Variants in RBM47 observed in about 807,000 individuals in gnomAD.
RBM47 encodes the protein RNA-binding protein 47.
Under a neutral mutation model 47.1 loss-of-function variants are expected in RBM47, and 21 were observed. The observed-to-expected ratio is 0.45, with a 90% CI of 0.32 to 0.64. The LOEUF (loss-of-function observed/expected upper bound fraction) is 0.64, where lower values mean the gene tolerates loss of function less well. Among genes scored for constraint, RBM47 ranks in the 30% least tolerant of loss-of-function variants. RBM47 has a pLI of 0.05. For missense variants in RBM47, 708 were observed against 870.9 expected, an observed-to-expected ratio of 0.81 and a Z score of 2.35; for synonymous variants, 375 against 361.7, an observed-to-expected ratio of 1.04 and a Z score of -0.42.
At chr4:40,590,888 C>T (rs1251523669) in intron 1 of RBM47, among the ~76,000 whole-genome samples, 4 of 152,150 alleles carry the variant, frequency 2.6e-5, no homozygotes, top group African/African-American at 7.2e-5. Flanking sequence ...CTGCAATCTC[C>T]GCCTCCCAGG....
At chr4:40,545,621 G>A (rs1156307574) in intron 1 of RBM47, among the ~76,000 whole-genome samples, 1 of 145,232 alleles carries the variant, frequency 6.9e-6, no homozygotes, top group South Asian at 2.1e-4. Flanking sequence ...CCAAGATCAC[G>A]CGATTGCTCT....
At chr4:40,435,358 G>A (rs1370308514) in intron 5 of RBM47, among the ~76,000 whole-genome samples, 1 of 152,080 alleles carries the variant, frequency 6.6e-6, no homozygotes, top group Admixed American at 6.6e-5. Context: ...AGAACAGCCT[G>A]GGCAATGTGG....
intron 2 of RBM47, among the ~76,000 whole-genome samples, chr4:40,532,066 A>G (rs1478634240): frequency 6.9e-6 from 1 of 144,608 alleles, no homozygotes; most frequent in Non-Finnish European, 1.5e-5. Context: ...GCTGGAGTGC[A>G]GTGGCGCAGT....
intron 1 of RBM47, among the ~76,000 whole-genome samples, chr4:40,573,833 AAG>A (rs758386859): frequency 7.3e-5 from 10 of 136,616 alleles, no homozygotes; most frequent in Non-Finnish European, 1.3e-4. Context: ...GAAAGAAAGA[AAG>A]AGAAAGAAAG....
chr4:40,438,270 G>A lies in RBM47; in HGVS notation c.624C>T (p.Ala208=). 1 of 1,603,840 alleles carries A rather than the reference G, an allele frequency of 6.2e-7. No homozygotes were observed. The highest frequency in any genetic ancestry group is 8.5e-7 in the Non-Finnish European group (1 of 1,179,864). ...CAGGCATGAGCTTGCGGCGAGCCATGGCAGCCGCGCGGTGGCTCTCGTACT... is the reference window on the plus strand; with the variant it reads ...CAGGCATGAGCTTGCGGCGAGCCATAGCAGCCGCGCGGTGGCTCTCGTACT... ...FVEYESHRAA[A]MARRKLMPGR... Residue 208 remains alanine (A), a synonymous_variant, in exon 4 of 7, where the codon GCC becomes GCT. Transcript: ENST00000295971.
At chr4:40,562,467 T>TC (rs1434762566) in intron 1 of RBM47, among the ~76,000 whole-genome samples, 2 of 148,854 alleles carry the variant, frequency 1.3e-5, no homozygotes, top group African/African-American at 5.0e-5. Flanking sequence ...CCCTATTTTT[T>TC]TTTTTTTTTT....
At chr4:40,604,712 T>TC (rs1735590546) in intron 1 of RBM47, among the ~76,000 whole-genome samples, 2 of 148,694 alleles carry the variant, frequency 1.3e-5, no homozygotes, top group African/African-American at 5.1e-5. Flanking sequence ...GCCACATGGC[T>TC]CTTTGTTGTT....
intron 2 of RBM47, among the ~76,000 whole-genome samples, chr4:40,523,738 A>T (rs1232268800): frequency 1.3e-5 from 2 of 151,730 alleles, no homozygotes; most frequent in Non-Finnish European, 2.9e-5. Flanking sequence ...AGTGGCATGC[A>T]CCTGTGGTCC....
rs568301664 is a variant in RBM47, at chr4:40,600,502, C to T, written c.-240+28894G>A. On this transcript the variant is annotated intron_variant, in intron 1 of 6. Coordinates refer to ENST00000295971, the MANE Select transcript of RBM47 (RefSeq NM_001098634.2). Reference sequence around the variant, plus strand: ...ACAAAAAATTAGCCGGGTGTGGTGGCGGGCGCCTGTAGTCCCAGCTACTCG... The same window carrying T: ...ACAAAAAATTAGCCGGGTGTGGTGGTGGGCGCCTGTAGTCCCAGCTACTCG... 8.8e-3 allele frequency among the ~76,000 whole-genome samples: 1,324 copies of T among 150,954 alleles called. 6 individuals are homozygous for T. Among genetic ancestry groups the T allele is most frequent in the Non-Finnish European group, 0.011 (732 of 67,808 alleles).
intron 1 of RBM47, among the ~76,000 whole-genome samples, chr4:40,580,631 G>A (rs758549916): frequency 2.0e-5 from 3 of 152,200 alleles, no homozygotes; most frequent in Non-Finnish European, 4.4e-5. Flanking sequence ...GCAGCCACCC[G>A]TTCTCTTTCC....
At chr4:40,618,801 T>C (rs1472111284) in intron 1 of RBM47, among the ~76,000 whole-genome samples, 2 of 94,532 alleles carry the variant, frequency 2.1e-5, no homozygotes, top group Non-Finnish European at 1.9e-5. Flanking sequence ...AGAGCGAGAC[T>C]CCATCTCAAA....
At position 40,453,839 on chromosome 4, in the gene RBM47, A is replaced by ATT. The variant is rs553811277; in HGVS notation, c.-32+12736_-32+12737dup. ...CTTGTTCTTTGCTCTCAGAGGTCAA[A>ATT]TTTTTTTTTTTAAAAAAAGAAAGAA... On this transcript the variant is annotated intron_variant, in intron 3 of 6. Transcript: ENST00000295971. 6.4e-4 allele frequency among the ~76,000 whole-genome samples: 96 copies of ATT among 149,782 alleles called. 1 individual carries two copies. The highest frequency in any genetic ancestry group is 2.3e-3 in the African/African-American group (92 of 40,716).
chr4:40,437,090 A>AAAAAAAAAAAAAAAAAATATATATAT (rs1256296949), intron 4 of RBM47, among the ~76,000 whole-genome samples: 1 of 49,802 alleles, frequency 2.0e-5, no homozygotes, highest in Non-Finnish European at 3.3e-5. Context: ...AAAAAAAAAA[A>AAAAAAAAAAAAAAAAAATATATATAT]ATATATATAT....
rs1737967732 is a variant in RBM47 at position 40,628,727 on chromosome 4, T to G, written c.-240+669A>C. Among the ~76,000 whole-genome samples the G allele has an allele frequency of 6.6e-6, 1 of 152,230 alleles. No individual in the cohort carries two copies. The highest frequency in any genetic ancestry group is 1.5e-5 in the Non-Finnish European group (1 of 68,038). ...GCCTGTAAGTACCTTGAAGATGGTATCTTCCTATCACTTATGCCTTGGGAC... is the reference window on the plus strand; with the variant it reads ...GCCTGTAAGTACCTTGAAGATGGTAGCTTCCTATCACTTATGCCTTGGGAC... On this transcript the variant is annotated intron_variant, in intron 1 of 6. Transcript: ENST00000295971. The surrounding 1 kb of genome is among the most constrained non-coding windows in gnomAD (Gnocchi z 4.0).
chr4:40,437,984 T>A lies in RBM47; in HGVS notation c.910A>T (p.Thr304Ser), dbSNP rs1457668219. The stretch of plus-strand genomic sequence containing the variant: ...TCCAGGCACGAGCCCTCCAGCTCAG[T>A]GCCGTTGAGGTTGTTCATGGCATGC... ...AVHAMNNLNG[T>S]ELEGSCLEVT... is the part of the protein sequence containing the mutation. Residue 304 changes from threonine (T) to serine (S), a missense_variant, in exon 4 of 7, where the codon ACT (threonine) becomes TCT (serine). Transcript: ENST00000295971. The A allele has an allele frequency of 2.5e-6, 4 of 1,613,446 alleles. No homozygotes were observed. The highest frequency in any genetic ancestry group is 3.4e-6 in the Non-Finnish European group (4 of 1,180,004).
chr4:40,558,925 C>T (rs1448674687), intron 1 of RBM47, among the ~76,000 whole-genome samples: 3 of 151,904 alleles, frequency 2.0e-5, no homozygotes, highest in Non-Finnish European at 2.9e-5. Context: ...ACCCAGGAGG[C>T]GGAGGTAGAA....
At chr4:40,496,901 G>A (rs555452429) in intron 2 of RBM47, among the ~76,000 whole-genome samples, 10 of 152,090 alleles carry the variant, frequency 6.6e-5, no homozygotes, top group East Asian at 1.9e-4. Context: ...TTAGCCAGGC[G>A]TGGTGGCACA....
chr4:40,596,983 G>A (rs1395948706), intron 1 of RBM47, among the ~76,000 whole-genome samples: 2 of 152,112 alleles, frequency 1.3e-5, no homozygotes, highest in African/African-American at 4.8e-5. Flanking sequence ...TTTATCGGCC[G>A]GGCGCGATGG....
Position 40,434,019 on chromosome 4 carries a change from GT to G in RBM47, c.1331-1158del, listed in dbSNP as rs1711870648. 2.1e-5 allele frequency among the ~76,000 whole-genome samples: 3 copies of G among 141,094 alleles called. 1 individual carries two copies. The highest frequency in any genetic ancestry group is 8.0e-5 in the African/African-American group (3 of 37,270). 92.6% of individuals were successfully genotyped at this position (141,094 alleles called of 152,430 possible). A position where few individuals can be genotyped will look rare whatever the true frequency, so the allele number is the denominator to read the frequency against. On this transcript the variant is annotated intron_variant, in intron 5 of 6. Transcript: ENST00000295971. ...GGGGCGGGGGTGTGTGTGTGTGTGT[GT>G]GTGTGTGTGTGTGTGTGTGTTGAAA... is the stretch of plus-strand genomic sequence containing the variant.
Sources: gnomAD v4.1 joint callset for allele counts (sites outside exome capture counted in the v4.1 genomes callset) on GRCh38, gnomAD v4.1.1 for gene constraint, Gnocchi (gnomAD v3.1) non-coding constraint, MANE v1.5 for transcripts, NCBI Gene and HGNC (gene_info 2026-07-23, HGNC 2026-07-21) for gene names.